LRMDA: variants seen among roughly 807,000 people sequenced by gnomAD.
LRMDA encodes leucine-rich melanocyte differentiation-associated protein.
In LRMDA, 18 loss-of-function variants were observed where a neutral mutation model predicts 29.8. The observed-to-expected ratio is 0.60, with a 90% confidence interval of 0.42 to 0.90. LRMDA has a LOEUF of 0.90. LRMDA is among the 40% of genes least tolerant of loss of function. The pLI, the probability that LRMDA is intolerant of heterozygous loss-of-function variation, is 0.00. For missense variants in LRMDA, 273 were observed against 273.9 expected (o/e 1.00, Z 0.02); for synonymous variants, 125 against 109.4 (o/e 1.14, Z -0.89).
intron 2 of LRMDA, among the ~76,000 whole-genome samples, chr10:75,703,124 G>A (rs1842328188): frequency 6.6e-6 from 1 of 152,146 alleles, no homozygotes; most frequent in Non-Finnish European, 1.5e-5. Flanking sequence ...CCTTTAAATA[G>A]TATTGTGTTA....
intron 2 of LRMDA, among the ~76,000 whole-genome samples, chr10:75,901,892 T>C (rs966550520): frequency 2.0e-5 from 3 of 152,186 alleles, no homozygotes; most frequent in Non-Finnish European, 4.4e-5. Flanking sequence ...GCTCCCCAAG[T>C]CATCAACCTG....
intron 5 of LRMDA, among the ~76,000 whole-genome samples, chr10:76,173,470 C>G (rs1337348656): frequency 6.6e-6 from 1 of 152,024 alleles, no homozygotes; most frequent in Non-Finnish European, 1.5e-5. Context: ...GATAAGGAAC[C>G]AGATAGAAGG....
Position 76,557,498 on chromosome 10 carries a change from C to T in LRMDA, c.*210C>T. 1 of 593,446 alleles carries T rather than the reference C, an allele frequency of 1.7e-6. No individual in the cohort carries two copies. Among genetic ancestry groups the T allele is most frequent in the Admixed American group, 3.0e-5 (1 of 33,688 alleles). 36.8% of individuals were successfully genotyped at this position (593,446 alleles called of 1,614,324 possible). On this transcript the variant is annotated 3_prime_UTR_variant, in exon 7 of 7. Transcript: ENST00000611255. ...GACTGAGTGGTCACATAGAGATTGA[C>T]ATGATTGCCCTTAAGCAGGTCTCAT...
intron 2 of LRMDA, among the ~76,000 whole-genome samples, chr10:75,449,788 C>CAGATCAGAG (rs1268216959): frequency 4.6e-5 from 7 of 152,170 alleles, no homozygotes; most frequent in Non-Finnish European, 1.0e-4. Flanking sequence ...AGATGTGGTT[C>CAGATCAGAG]AGATCAGAGA....
At chr10:76,221,554 C>T (rs935413006) in intron 5 of LRMDA, among the ~76,000 whole-genome samples, 11 of 152,338 alleles carry the variant, frequency 7.2e-5, no homozygotes, top group Non-Finnish European at 8.8e-5. Context: ...AGGAATCCAG[C>T]TTACAAGGGA....
chr10:75,714,835 TTCCCTCCCTCCC>T (rs58796439), intron 2 of LRMDA, among the ~76,000 whole-genome samples: 2 of 125,194 alleles, frequency 1.6e-5, no homozygotes, highest in Non-Finnish European at 1.6e-5. Flanking sequence ...TCCTCCTTCT[TTCCCTCCCTCCC>T]TCCCTCCCTC....
intron 2 of LRMDA, among the ~76,000 whole-genome samples, chr10:75,785,871 A>C (rs1843463572): frequency 6.6e-6 from 1 of 152,088 alleles, no homozygotes; most frequent in African/African-American, 2.4e-5. Flanking sequence ...ATCTGCCACC[A>C]CCTCCCGGAG....
At chr10:76,105,684 G>A (rs1849469440) in intron 5 of LRMDA, among the ~76,000 whole-genome samples, 1 of 152,096 alleles carries the variant, frequency 6.6e-6, no homozygotes, top group South Asian at 2.1e-4. Flanking sequence ...GAGGGAGTGT[G>A]GCCCTGCAGA....
At chr10:76,324,516 G>T in intron 6 of LRMDA, 31 bp downstream of exon 6, 1 of 1,598,432 alleles carries the variant, frequency 6.3e-7, no homozygotes, top group Non-Finnish European at 8.6e-7. Flanking sequence ...TGCTCTCAGT[G>T]GGTGCAGGGA....
chr10:76,062,650 ATC>A (rs201983808), intron 5 of LRMDA, among the ~76,000 whole-genome samples: 10,335 of 135,828 alleles, frequency 0.076, 515 homozygotes, highest in African/African-American at 0.15. Context: ...TCCAGACTTT[ATC>A]TCTCTGTGTG....
intron 5 of LRMDA, among the ~76,000 whole-genome samples, chr10:76,171,352 T>A (rs111690553): frequency 6.7e-4 from 102 of 152,348 alleles, no homozygotes; most frequent in African/African-American, 2.4e-3. Flanking sequence ...TCAGCCAGGC[T>A]GGTCTTGAAC....
rs1285829836 is a variant in LRMDA, at chr10:75,619,011, T to A, written c.131+180517T>A. ...ACGGGGTTTCACCGTGTTAGCCAGG[T>A]TGGTCTTGATCTCCTGACCTCGTGA... On this transcript the variant is annotated intron_variant, in intron 2 of 6. Coordinates refer to ENST00000611255, the MANE Select transcript of LRMDA (RefSeq NM_001305581.2). Among the ~76,000 whole-genome samples, 6 of 151,862 alleles carry A rather than the reference T, an allele frequency of 4.0e-5. 1 individual carries two copies. The highest frequency in any genetic ancestry group is 8.8e-5 in the Non-Finnish European group (6 of 67,954).
In LRMDA at chr10:75,888,282, G is replaced by A. The variant is rs531518210; in HGVS notation, c.132-147726G>A. ...TCTTTTCTTTCTCTTGACACTCTCC[G>A]CGTATGATGAGTTCGTGATCCACAA... On this transcript the variant is annotated intron_variant, in intron 2 of 6. Transcript: ENST00000611255. Among the ~76,000 whole-genome samples, 22 of 152,268 alleles carry A rather than the reference G, an allele frequency of 1.4e-4. No individual in the cohort carries two copies. The South Asian group carries it at 3.9e-3, about 27-fold the overall frequency.
intron 2 of LRMDA, among the ~76,000 whole-genome samples, chr10:75,870,160 A>G (rs551677862): frequency 1.8e-4 from 28 of 152,344 alleles, no homozygotes; most frequent in African/African-American, 6.5e-4. Flanking sequence ...AAGGTTGAAA[A>G]AAAATAATTC....
At chr10:75,934,525 C>T (rs555316323) in intron 2 of LRMDA, among the ~76,000 whole-genome samples, 2 of 152,242 alleles carry the variant, frequency 1.3e-5, no homozygotes, top group South Asian at 2.1e-4. Flanking sequence ...AAATACTTTT[C>T]TTCCAATAGA....
At chr10:75,550,326 TTC>T (rs1315648141) in intron 2 of LRMDA, among the ~76,000 whole-genome samples, 2 of 152,170 alleles carry the variant, frequency 1.3e-5, no homozygotes, top group African/African-American at 2.4e-5. Context: ...TTTTGTCTAC[TTC>T]TTTCAGTTTG....
At chr10:75,526,689 T>A (rs1379451533) in intron 2 of LRMDA, among the ~76,000 whole-genome samples, 1 of 151,002 alleles carries the variant, frequency 6.6e-6, no homozygotes, top group Non-Finnish European at 1.5e-5. Flanking sequence ...TCCATTTCTC[T>A]AAAAAAAAAT....
At chr10:76,004,234 T>C (rs770300890) in intron 2 of LRMDA, among the ~76,000 whole-genome samples, 1 of 152,224 alleles carries the variant, frequency 6.6e-6, no homozygotes, top group Non-Finnish European at 1.5e-5. Context: ...TCAAATGTAG[T>C]GAAAAATTAT....
intron 6 of LRMDA, among the ~76,000 whole-genome samples, chr10:76,398,827 C>A (rs1280175942): frequency 6.6e-6 from 1 of 152,130 alleles, no homozygotes; most frequent in East Asian, 1.9e-4. Context: ...TCTTGGGAGG[C>A]CAGGAGTTCC....
Sources: allele counts gnomAD v4.1 joint callset (sites outside exome capture counted in the v4.1 genomes callset), GRCh38; gene constraint gnomAD v4.1.1; transcripts MANE v1.5; gene names NCBI Gene and HGNC (gene_info 2026-07-23, HGNC 2026-07-21).